The following IGFBP7 variants were observed in gnomAD, a reference collection of about 807,000 sequenced individuals.
IGFBP7 encodes insulin-like growth factor-binding protein 7.
In IGFBP7, 31 loss-of-function variants were observed where a neutral mutation model predicts 29.4. That is an observed-to-expected ratio of 1.05 (90% CI 0.79 to 1.42). IGFBP7 has a LOEUF of 1.42. Ranked by LOEUF, IGFBP7 falls within the 40% of genes most tolerant of loss-of-function variation. The pLI is 0.00. For synonymous variants in IGFBP7, 172 were observed against 174.9 expected, an observed-to-expected ratio of 0.98 and a Z score of 0.13; for missense variants, 393 against 395.5, an observed-to-expected ratio of 0.99 and a Z score of 0.05.
At chr4:57,061,378 G>C (rs1176810262) in intron 1 of IGFBP7, among the ~76,000 whole-genome samples, 1 of 152,108 alleles carries the variant, frequency 6.6e-6, no homozygotes, top group Admixed American at 6.5e-5. Context: ...CACGGTAAGA[G>C]ATTAACAACA....
intron 1 of IGFBP7, among the ~76,000 whole-genome samples, chr4:57,060,901 G>A (rs1356403629): frequency 2.0e-5 from 3 of 151,962 alleles, no homozygotes; most frequent in Admixed American, 6.6e-5. Flanking sequence ...CCTGAGTGAC[G>A]GGGCAAAAAA....
intron 1 of IGFBP7, among the ~76,000 whole-genome samples, chr4:57,102,478 T>C (rs1725922753): frequency 6.6e-6 from 1 of 152,154 alleles, no homozygotes; most frequent in Non-Finnish European, 1.5e-5. Context: ...CTGAACACGG[T>C]ATCCTATTCA....
At chr4:57,084,604 A>G (rs1217225775) in intron 1 of IGFBP7, among the ~76,000 whole-genome samples, 4 of 152,084 alleles carry the variant, frequency 2.6e-5, no homozygotes, top group Non-Finnish European at 5.9e-5. Flanking sequence ...ACGTGCAGCA[A>G]TTCTTGCTTC....
intron 1 of IGFBP7, among the ~76,000 whole-genome samples, chr4:57,069,263 T>G (rs942085568): frequency 7.9e-5 from 12 of 152,022 alleles, no homozygotes; most frequent in African/African-American, 2.9e-4. Context: ...TTGGGCCATC[T>G]GTGGGGCTGG....
At chr4:57,039,256 A>C (rs917820776) in intron 2 of IGFBP7, among the ~76,000 whole-genome samples, 2 of 152,166 alleles carry the variant, frequency 1.3e-5, no homozygotes, top group Admixed American at 1.3e-4. Context: ...ACAGTAGCTA[A>C]TGTCTACTGA....
At position 57,033,230 on chromosome 4, in the gene IGFBP7, C is replaced by T. The variant is rs1237861415; in HGVS notation, c.667G>A (p.Gly223Ser). Residue 223 changes from glycine (G) to serine (S), a missense_variant, in exon 3 of 5, where the codon GGC (glycine) becomes AGC (serine). Gly to Ser is a moderately conservative substitution (Grantham distance 56). Transcript: ENST00000295666. ...RDNLAIQTRG[G>S]PEKHEVTGWV... ...CCAGTTACTTCATGCTTTTCTGGGC[C>T]ACCCCGGGTCTGAATGGCCAGGTTG... The T allele has an allele frequency of 6.2e-7, 1 of 1,613,934 alleles. No homozygotes were observed.
At chr4:57,103,660 C>CTTTTTTTTTTTTTTTTTTT (rs59173874) in intron 1 of IGFBP7, among the ~76,000 whole-genome samples, 2 of 86,480 alleles carry the variant, frequency 2.3e-5, no homozygotes, top group African/African-American at 4.5e-5. Context: ...TTTTTCTTTT[C>CTTTTTTTTTTTTTTTTTTT]TTTTTTTTTT....
At chr4:57,078,571 C>A (rs1332673293) in intron 1 of IGFBP7, among the ~76,000 whole-genome samples, 1 of 152,132 alleles carries the variant, frequency 6.6e-6, no homozygotes, top group Non-Finnish European at 1.5e-5. Flanking sequence ...AGCTCTTAAT[C>A]TGAAGAGCTT....
intron 1 of IGFBP7, among the ~76,000 whole-genome samples, chr4:57,089,290 C>G (rs1344502948): frequency 6.6e-6 from 1 of 152,124 alleles, no homozygotes; most frequent in East Asian, 1.9e-4. Flanking sequence ...TATCCATATA[C>G]AATTATAACT....
intron 1 of IGFBP7, among the ~76,000 whole-genome samples, chr4:57,069,745 A>T (rs900743131): frequency 1.3e-5 from 2 of 152,178 alleles, no homozygotes; most frequent in African/African-American, 2.4e-5. Context: ...ACTTCTCATT[A>T]TTGAGATTTC....
At chr4:57,056,993 A>G (rs1241761868) in intron 1 of IGFBP7, among the ~76,000 whole-genome samples, 1 of 151,862 alleles carries the variant, frequency 6.6e-6, no homozygotes, top group African/African-American at 2.4e-5. Flanking sequence ...GTTTTTCATG[A>G]TTTCTATAGT....
intron 1 of IGFBP7, among the ~76,000 whole-genome samples, chr4:57,103,471 A>T (rs773783537): frequency 1.3e-4 from 20 of 152,106 alleles, no homozygotes; most frequent in Non-Finnish European, 2.5e-4. Context: ...CTCTTAAAAA[A>T]TTGTTTTAAC....
At chr4:57,070,029 C>A (rs995438159) in intron 1 of IGFBP7, among the ~76,000 whole-genome samples, 1 of 152,080 alleles carries the variant, frequency 6.6e-6, no homozygotes, top group Non-Finnish European at 1.5e-5. Context: ...TGCAGTGAGC[C>A]GGAATCGTGC....
At chr4:57,089,744 G>A (rs755123941) in intron 1 of IGFBP7, among the ~76,000 whole-genome samples, 6 of 152,154 alleles carry the variant, frequency 3.9e-5, no homozygotes, top group Non-Finnish European at 8.8e-5. Context: ...TGACAATAGG[G>A]TGTCCCAGTG....
chr4:57,061,057 G>T (rs1163666405), intron 1 of IGFBP7, among the ~76,000 whole-genome samples: 1 of 116,474 alleles, frequency 8.6e-6, no homozygotes, highest in African/African-American at 3.2e-5. Flanking sequence ...TTTCGTCTCT[G>T]AAAAACAAAA....
intron 1 of IGFBP7, among the ~76,000 whole-genome samples, chr4:57,067,003 A>G (rs1724935951): frequency 6.7e-6 from 1 of 150,008 alleles, no homozygotes; most frequent in East Asian, 1.9e-4. Context: ...GTTTTTAGTC[A>G]TAAAGTCCTC....
chr4:57,092,106 C>CA (rs1725656035), intron 1 of IGFBP7, among the ~76,000 whole-genome samples: 1 of 152,128 alleles, frequency 6.6e-6, no homozygotes, highest in Non-Finnish European at 1.5e-5. Context: ...ATCTTAAAGA[C>CA]AAAACCTCCA....
intron 1 of IGFBP7, among the ~76,000 whole-genome samples, chr4:57,049,188 AT>A (rs3839133): frequency 2.6e-5 from 4 of 151,616 alleles, no homozygotes; most frequent in Non-Finnish European, 4.4e-5. Context: ...CAGTTAGCCA[AT>A]TTTTTTTTCA....
At position 57,031,339 on chromosome 4, in the gene IGFBP7, G is replaced by C; in HGVS notation, c.830-3C>G. ...GGTTTATAGCTCGGCACCTTCACCTGTTTAAAAAAAAAAAAAGATAAAAAT... is the reference window on the plus strand; with the variant it reads ...GGTTTATAGCTCGGCACCTTCACCTCTTTAAAAAAAAAAAAAGATAAAAAT... On this transcript the variant is annotated splice_polypyrimidine_tract_variant and splice_region_variant and intron_variant, in intron 4 of 4. Transcript: ENST00000295666. The C allele has an allele frequency of 6.3e-7, 1 of 1,581,262 alleles. No individual in the cohort carries two copies.
Sources: gnomAD v4.1 joint callset for allele counts (sites outside exome capture counted in the v4.1 genomes callset) on GRCh38, gnomAD v4.1.1 for gene constraint, MANE v1.5 for transcripts, NCBI Gene and HGNC (gene_info 2026-07-23, HGNC 2026-07-21) for gene names.